Variants in METTL22 observed in about 807,000 individuals in gnomAD.
METTL22 encodes the protein methyltransferase-like protein 22.
In METTL22, 51 loss-of-function variants were observed where a neutral mutation model predicts 48.4. That is an observed-to-expected ratio of 1.05 (90% CI 0.84 to 1.33). The LOEUF is 1.33. Among genes scored for constraint, METTL22 ranks in the 40% most tolerant of loss-of-function variants. The pLI is 0.00. For missense variants in METTL22, 678 were observed against 526.9 expected, an observed-to-expected ratio of 1.29 and a Z score of -2.81; for synonymous variants, 255 against 214.1, an observed-to-expected ratio of 1.19 and a Z score of -1.67.
At chr16:8,663,705 G>A in the METTL22 span, among the ~76,000 whole-genome samples, 1 of 152,216 alleles carries the variant, frequency 6.6e-6, no homozygotes, top group African/African-American at 2.4e-5. Context: ...TTTTACAGAT[G>A]AAGCAACTGA....
intron 7 of METTL22, chr16:8,641,668 C>A: frequency 2.6e-6 from 1 of 380,260 alleles, no homozygotes; most frequent in Non-Finnish European, 5.0e-6. Flanking sequence ...TGTCAGATGG[C>A]AGATGGGAAA....
the METTL22 span, among the ~76,000 whole-genome samples, chr16:8,662,783 C>G: frequency 3.5e-5 from 5 of 144,634 alleles, no homozygotes; most frequent in Non-Finnish European, 7.6e-5. Flanking sequence ...AGCCCGAACA[C>G]TCACCTCTCT....
At chr16:8,665,472 A>G in the METTL22 span, among the ~76,000 whole-genome samples, 1 of 152,192 alleles carries the variant, frequency 6.6e-6, no homozygotes, top group Non-Finnish European at 1.5e-5. Context: ...TGAATTCAGC[A>G]GGAGACTGAG....
At chr16:8,633,139 G>A (rs2056316923) in intron 3 of METTL22, among the ~76,000 whole-genome samples, 2 of 152,206 alleles carry the variant, frequency 1.3e-5, no homozygotes, top group Non-Finnish European at 2.9e-5. Context: ...GAGGGCCTGG[G>A]GTCTGTAGAC....
the METTL22 span, chr16:8,666,616 T>C: frequency 5.3e-5 from 8 of 152,152 alleles, no homozygotes; most frequent in African/African-American, 1.7e-4. Flanking sequence ...CATCATCCCA[T>C]TTTACAGATG....
chr16:8,628,970 T>G lies in METTL22; in HGVS notation c.374T>G (p.Val125Gly), dbSNP rs780073499. 5.0e-6 allele frequency: 8 copies of G among 1,614,018 alleles called. No homozygotes were observed. Among genetic ancestry groups the G allele is most frequent in the Non-Finnish European group, 6.8e-6 (8 of 1,180,032 alleles). The change falls in exon 3 of 11, where the codon GTG (valine) becomes GGG (glycine). Residue 125 changes from valine to glycine, a missense_variant. Coordinates refer to ENST00000381920, the MANE Select transcript of METTL22 (RefSeq NM_024109.4). ...GATGAGGATGGGGATTTGGACGTGG[T>G]GAGAAGACCACGAGCCGCCTCTGAT... is the stretch of plus-strand genomic sequence containing the variant. Reference protein sequence around the residue: ...QLDEDGDLDVVRRPRAASDSN... With the variant: ...QLDEDGDLDVGRRPRAASDSN...
the METTL22 span, among the ~76,000 whole-genome samples, chr16:8,657,341 T>C: frequency 6.6e-6 from 1 of 152,180 alleles, no homozygotes; most frequent in Admixed American, 6.5e-5. Flanking sequence ...GAGGCTAAGT[T>C]AATAATTTGT....
At chr16:8,638,496 G>A (rs1359315208) in intron 5 of METTL22, among the ~76,000 whole-genome samples, 2 of 152,148 alleles carry the variant, frequency 1.3e-5, no homozygotes, top group Admixed American at 6.5e-5. Context: ...AGTAGCAGGC[G>A]GCTGGGAGGG....
rs1230948775 is a variant in METTL22 at position 8,628,877 on chromosome 16, G to T, written c.281G>T (p.Gly94Val). Reference sequence around the variant, plus strand: ...GGGTCCCCTCCAGGAAGTGGCCATGGTAATGAGGGTTTCTCCCTCCAGGCC... The same window carrying T: ...GGGTCCCCTCCAGGAAGTGGCCATGTTAATGAGGGTTTCTCCCTCCAGGCC... ...STGSPPGSGH[G>V]NEGFSLQAGT... The change falls in exon 3 of 11, where the codon GGT becomes GTT. Residue 94 changes from glycine to valine, a missense_variant. By Grantham distance (109) the Gly-to-Val change is moderately radical (BLOSUM62 -3). Coordinates refer to ENST00000381920, the MANE Select transcript of METTL22 (RefSeq NM_024109.4). 1.2e-6 allele frequency: 2 copies of T among 1,613,880 alleles called. No individual in the cohort carries two copies. Among genetic ancestry groups the T allele is most frequent in the South Asian group, 1.1e-5 (1 of 91,064 alleles).
intron 5 of METTL22, among the ~76,000 whole-genome samples, chr16:8,637,012 C>G (rs2056444083): frequency 6.6e-6 from 1 of 152,230 alleles, no homozygotes; most frequent in African/African-American, 2.4e-5. Flanking sequence ...GTTAACTAAA[C>G]TCCTAACGTG....
At chr16:8,627,395 C>T (rs2056097276) in intron 2 of METTL22, among the ~76,000 whole-genome samples, 1 of 152,086 alleles carries the variant, frequency 6.6e-6, no homozygotes, top group Non-Finnish European at 1.5e-5. Context: ...CCATAAGATA[C>T]AAGGCCAGGG....
the METTL22 span, among the ~76,000 whole-genome samples, chr16:8,666,568 T>C: frequency 2.0e-5 from 3 of 152,192 alleles, no homozygotes; most frequent in South Asian, 2.1e-4. Flanking sequence ...TTCTCCCACT[T>C]AACACTCATG....
At chr16:8,627,566 A>G (rs2056103504) in intron 2 of METTL22, among the ~76,000 whole-genome samples, 1 of 152,182 alleles carries the variant, frequency 6.6e-6, no homozygotes, top group Non-Finnish European at 1.5e-5. Context: ...TGGATGGTAC[A>G]TTATACCAGG....
intron 2 of METTL22, 83 bp downstream of exon 2, chr16:8,625,881 G>C: frequency 6.5e-7 from 1 of 1,543,070 alleles, no homozygotes; most frequent in Non-Finnish European, 8.9e-7. Flanking sequence ...AAAATATTGG[G>C]AAGACTGGAT....
chr16:8,644,707 C>G lies in METTL22; in HGVS notation c.1161C>G (p.Tyr387Ter), dbSNP rs767486142. 30 of 1,592,264 alleles carry G rather than the reference C, an allele frequency of 1.9e-5. No homozygotes were observed. The highest frequency in any genetic ancestry group is 2.5e-5 in the Non-Finnish European group (29 of 1,168,610). ...VEASFPQLLV[Y>*]ERLQQLELWK... ...CCTCCTTCCCACAGCTCCTGGTTTA[C>G]GAGCGCCTCCAGCAACTGGTAGGTC... The change falls in exon 10 of 11, where the codon TAC becomes TAG. Residue 387 changes from tyrosine to a stop codon, truncating the protein, a stop_gained. Transcript: ENST00000381920. LOFTEE classifies it high-confidence loss of function.
intron 5 of METTL22, among the ~76,000 whole-genome samples, chr16:8,638,529 A>T (rs2056492586): frequency 6.6e-6 from 1 of 152,134 alleles, no homozygotes; most frequent in Non-Finnish European, 1.5e-5. Flanking sequence ...CAGCAAAGTG[A>T]ATCGCGCTCA....
chr16:8,659,641 C>G, the METTL22 span, among the ~76,000 whole-genome samples: 1 of 151,820 alleles, frequency 6.6e-6, no homozygotes, highest in East Asian at 1.9e-4. Flanking sequence ...ACAAGTGAGG[C>G]AAAAAGGTGA....
chr16:8,624,821 T>C (rs2055989281), intron 1 of METTL22, among the ~76,000 whole-genome samples: 1 of 152,166 alleles, frequency 6.6e-6, no homozygotes. Flanking sequence ...ATTGTACCAC[T>C]GCACTCCAGC....
intron 3 of METTL22, 42 bp downstream of exon 3, chr16:8,629,152 C>A (rs1312263777): frequency 1.3e-6 from 2 of 1,584,926 alleles, no homozygotes; most frequent in Admixed American, 1.7e-5. Context: ...ACCAAGGCAA[C>A]TCCGCAGTGT....
Sources: allele counts gnomAD v4.1 joint callset (sites outside exome capture counted in the v4.1 genomes callset), GRCh38; gene constraint gnomAD v4.1.1; transcripts MANE v1.5; gene names NCBI Gene and HGNC (gene_info 2026-07-23, HGNC 2026-07-21).